MAST2: variants seen among roughly 807,000 people sequenced by gnomAD.
MAST2 encodes microtubule associated serine/threonine kinase 2, also known as microtubule-associated serine/threonine-protein kinase 2.
A neutral mutation model predicts 147.4 loss-of-function variants in MAST2; 70 were observed. The ratio of observed to expected loss-of-function variants is 0.47; its 90% CI spans 0.39 to 0.58. The LOEUF (loss-of-function observed/expected upper bound fraction) is 0.58, where lower values mean the gene tolerates loss of function less well. Ranked by LOEUF, MAST2 falls within the 20% of genes least tolerant of loss-of-function variation. The pLI, the probability that MAST2 is intolerant of heterozygous loss-of-function variation, is 0.00. For synonymous variants in MAST2, 869 were observed against 896.8 expected, an observed-to-expected ratio of 0.97 and a Z score of 0.55; for missense variants, 2,080 against 2,302.3, an observed-to-expected ratio of 0.90 and a Z score of 1.98.
intron 3 of MAST2, among the ~76,000 whole-genome samples, chr1:45,866,987 G>T (rs1205861456): frequency 1.3e-5 from 2 of 152,028 alleles, no homozygotes; most frequent in African/African-American, 2.4e-5. Context: ...CTGACCTCAG[G>T]TGATCCACCC....
At chr1:45,848,718 A>G (rs910022028) in intron 3 of MAST2, among the ~76,000 whole-genome samples, 14 of 152,158 alleles carry the variant, frequency 9.2e-5, no homozygotes, top group Non-Finnish European at 1.9e-4. Context: ...GAAAATAGTT[A>G]AGGGTATAGC....
chr1:45,805,734 T>A (rs1367804415), intron 1 of MAST2, among the ~76,000 whole-genome samples: 2 of 152,242 alleles, frequency 1.3e-5, no homozygotes, highest in East Asian at 3.8e-4. Flanking sequence ...TCTCCGAGGC[T>A]AATTTCTCTA....
At chr1:46,024,095 C>G in intron 15 of MAST2, 115 bp downstream of exon 15, 1 of 988,814 alleles carries the variant, frequency 1.0e-6, no homozygotes, top group Non-Finnish European at 1.6e-6. Flanking sequence ...GCTTTCCAGT[C>G]CACCTTTGGC....
intron 4 of MAST2, among the ~76,000 whole-genome samples, chr1:45,888,425 C>T (rs1454733068): frequency 6.6e-6 from 1 of 151,986 alleles, no homozygotes; most frequent in Non-Finnish European, 1.5e-5. Context: ...TACAGTGGCG[C>T]CATCTGGGCT....
At chr1:45,810,810 CAAAAAAAAA>C (rs909997197) in intron 1 of MAST2, among the ~76,000 whole-genome samples, 1 of 35,594 alleles carries the variant, frequency 2.8e-5, no homozygotes, top group Non-Finnish European at 5.8e-5. Flanking sequence ...GACTCCATCT[CAAAAAAAAA>C]AAAAAAAAAA....
At chr1:46,007,398 C>G (rs1326832753) in intron 8 of MAST2, among the ~76,000 whole-genome samples, 2 of 152,256 alleles carry the variant, frequency 1.3e-5, no homozygotes, top group South Asian at 2.1e-4. Context: ...CAGAGGAACA[C>G]CTGAGTCTTG....
chr1:45,869,655 G>A (rs959347646), intron 3 of MAST2, among the ~76,000 whole-genome samples: 1 of 152,096 alleles, frequency 6.6e-6, no homozygotes, highest in African/African-American at 2.4e-5. Flanking sequence ...TACTCTTGAT[G>A]GTGTGTTATA....
intron 4 of MAST2, chr1:45,917,423 C>G: frequency 7.3e-7 from 1 of 1,366,448 alleles, no homozygotes; most frequent in African/African-American, 1.5e-5. Flanking sequence ...TCACTAAAGT[C>G]CCATTTAGTG....
At chr1:45,852,855 A>G (rs1349233432) in intron 3 of MAST2, among the ~76,000 whole-genome samples, 1 of 151,996 alleles carries the variant, frequency 6.6e-6, no homozygotes, top group African/African-American at 2.4e-5. Flanking sequence ...ACATGTTGAT[A>G]GATTTTATGT....
At chr1:45,903,108 A>T (rs1427443993) in intron 4 of MAST2, among the ~76,000 whole-genome samples, 1 of 140,710 alleles carries the variant, frequency 7.1e-6, no homozygotes, top group Non-Finnish European at 1.5e-5. Flanking sequence ...TTAAGCATTT[A>T]GCACTATAAA....
At chr1:45,832,865 T>C (rs1039976495) in intron 3 of MAST2, among the ~76,000 whole-genome samples, 2 of 152,184 alleles carry the variant, frequency 1.3e-5, no homozygotes, top group African/African-American at 4.8e-5. Flanking sequence ...TTCACAGACA[T>C]GTACAGCCAT....
intron 1 of MAST2, among the ~76,000 whole-genome samples, chr1:45,815,680 A>G (rs755403314): frequency 7.2e-5 from 11 of 152,186 alleles, no homozygotes; most frequent in South Asian, 4.1e-4. Flanking sequence ...TTGGTCTTTT[A>G]TATTAAAGAA....
intron 4 of MAST2, among the ~76,000 whole-genome samples, chr1:45,915,631 A>G (rs886173223): frequency 6.6e-6 from 1 of 151,360 alleles, no homozygotes; most frequent in Non-Finnish European, 1.5e-5. Flanking sequence ...AATGGCGTGA[A>G]CCTGGGAGGC....
At chr1:45,877,417 C>T (rs551539839) in intron 3 of MAST2, among the ~76,000 whole-genome samples, 29 of 152,052 alleles carry the variant, frequency 1.9e-4, no homozygotes, top group Admixed American at 1.1e-3. Flanking sequence ...GCCTTAATCC[C>T]GTTTACAAGA....
rs1006023512 is a variant in MAST2, at chr1:46,028,789, A to G, written c.2074A>G (p.Ile692Val). ...CCAGGTATGCGGGACCCCAGAATAC[A>G]TTGCGCCTGAGGTGATCCTGCGCCA... ...DKQVCGTPEYIAPEVILRQGY... is the reference protein window; with the variant it reads ...DKQVCGTPEYVAPEVILRQGY... The change falls in exon 18 of 29, where the codon ATT becomes GTT. Residue 692 changes from isoleucine to valine, a missense_variant. Ile to Val is a conservative substitution (Grantham distance 29). This residue lies in a region of MAST2 where 209 missense variants were observed against 309.5 expected (regional missense o/e 0.68). Transcript: ENST00000361297. 3 of 1,613,956 alleles carry G rather than the reference A, an allele frequency of 1.9e-6. No homozygotes were observed.
At chr1:45,847,042 G>C (rs1645460694) in intron 3 of MAST2, 2 of 390,446 alleles carry the variant, frequency 5.1e-6, no homozygotes, top group Non-Finnish European at 1.0e-5. Flanking sequence ...TCATCGTTTA[G>C]TTCCAATTCC....
intron 5 of MAST2, among the ~76,000 whole-genome samples, chr1:45,989,800 C>A (rs1243231695): frequency 6.6e-6 from 1 of 152,182 alleles, no homozygotes; most frequent in African/African-American, 2.4e-5. Flanking sequence ...GTTATACCTA[C>A]CTTTTCCAAA....
intron 4 of MAST2, among the ~76,000 whole-genome samples, chr1:45,944,935 C>T (rs1048139923): frequency 2.0e-5 from 3 of 152,212 alleles, no homozygotes; most frequent in African/African-American, 4.8e-5. Flanking sequence ...ATTGAGTATA[C>T]TTGCACCTTT....
chr1:46,034,610 C>A lies in MAST2; in HGVS notation c.3941C>A (p.Thr1314Lys), dbSNP rs781141774. Residue 1314 changes from threonine (T) to lysine (K), a missense_variant, in exon 29 of 29, where the codon ACA becomes AAA. By Grantham distance (78) the Thr-to-Lys change is moderately conservative. Coordinates refer to ENST00000361297, the MANE Select transcript of MAST2 (RefSeq NM_015112.3). Reference protein sequence around the residue: ...VPSSPAGSGHTRPSSLHGLAP... With the variant: ...VPSSPAGSGHKRPSSLHGLAP... ...AGTTCCCCAGCCGGCTCTGGGCACA[C>A]ACGGCCCAGCTCCCTCCACGGTCTG... The A allele has an allele frequency of 1.1e-5, 18 of 1,613,988 alleles. No individual in the cohort carries two copies. Among genetic ancestry groups the A allele is most frequent in the Non-Finnish European group, 1.5e-5 (18 of 1,180,018 alleles).
Sources: allele counts gnomAD v4.1 joint callset (sites outside exome capture counted in the v4.1 genomes callset), GRCh38; gene constraint gnomAD v4.1.1; regional missense constraint gnomAD v4.1.1; transcripts MANE v1.5; gene names NCBI Gene and HGNC (gene_info 2026-07-23, HGNC 2026-07-21).